Variants in CRLF2 observed in about 807,000 individuals in gnomAD.
The protein encoded by CRLF2 is cytokine receptor like factor 2.
Under a neutral mutation model 38.7 loss-of-function variants are expected in CRLF2, and 41 were observed. The observed-to-expected ratio is 1.06, with a 90% CI of 0.83 to 1.37. The LOEUF (loss-of-function observed/expected upper bound fraction) is 1.37. Ranked by LOEUF, CRLF2 falls within the 40% of genes most tolerant of loss-of-function variation. CRLF2 has a pLI of 0.00. For missense variants in CRLF2, 377 were observed against 322.2 expected (o/e 1.17, Z -1.30); for synonymous variants, 140 against 128.8 (o/e 1.09, Z -0.59).
chrX:1,207,154 C>G (rs1219805174), intron 2 of CRLF2, among the ~76,000 whole-genome samples: 1 of 151,998 alleles, frequency 6.6e-6, no homozygotes, highest in Non-Finnish European at 1.5e-5. Context: ...CCATGTTGAC[C>G]AGGCTGGTCT....
chrX:1,200,725 G>A (rs1217143666), intron 4 of CRLF2, among the ~76,000 whole-genome samples: 1 of 40,892 alleles, frequency 2.4e-5, no homozygotes, highest in Non-Finnish European at 5.6e-5. Context: ...GTATATACGT[G>A]TGTATAAATA....
intron 5 of CRLF2, among the ~76,000 whole-genome samples, chrX:1,198,042 G>C (rs1482163497): frequency 1.3e-5 from 2 of 152,066 alleles, no homozygotes; most frequent in South Asian, 2.1e-4. Flanking sequence ...AAAGCAGCCC[G>C]AGAATGAAAC....
chrX:1,203,120 A>AAGGATCATTATAGATTCAGTTAGTT (rs1359053923), intron 3 of CRLF2, among the ~76,000 whole-genome samples: 1 of 133,650 alleles, frequency 7.5e-6, no homozygotes, highest in Non-Finnish European at 1.6e-5. Flanking sequence ...AAAAAAAAAA[A>AAGGATCATTATAGATTCAGTTAGTT]AGGATCATTA....
Position 1,204,096 on chromosome X carries a change from A to AAAAAAAGAG in CRLF2, c.350-1562_350-1561insCTCTTTTTT, listed in dbSNP as rs370190016. 2.2e-5 allele frequency among the ~76,000 whole-genome samples: 3 copies of AAAAAAAGAG among 133,440 alleles called. 1 individual carries two copies. Among genetic ancestry groups the AAAAAAAGAG allele is most frequent in the Non-Finnish European group, 3.1e-5 (2 of 64,336 alleles). 87.5% of individuals were successfully genotyped at this position (133,440 alleles called of 152,430 possible). ...GAGCAAGACCCTCTCTCTCAAAAAA[A>AAAAAAAGAG]AGAGAGAACATCCAGTGAGTGGGAT... is the stretch of plus-strand genomic sequence containing the variant. On this transcript the variant is annotated intron_variant, in intron 3 of 7. Transcript: ENST00000400841.
intron 7 of CRLF2, 121 bp from the exon 8 acceptor site, chrX:1,191,281 CTTTCT>C (rs1246502730): frequency 1.0e-5 from 4 of 395,738 alleles, no homozygotes; most frequent in Non-Finnish European, 1.8e-5. Flanking sequence ...CTTTCTCTCT[CTTTCT>C]TTTCTTTTCT....
Position 1,206,510 on chromosome X carries a change from C to T in CRLF2, c.272G>A (p.Arg91Gln), listed in dbSNP as rs1398846596. ...GATGGAGAAATAGAGAATGTCGTCT[C>T]GCTGCTCTGCGTCTAGGAGGCACCC... is the stretch of plus-strand genomic sequence containing the variant. ...TSGCLLDAEQ[R>Q]DDILYFSIRN... Residue 91 changes from arginine (R) to glutamine (Q), a missense_variant, in exon 3 of 8, where the codon CGA becomes CAA. Transcript: ENST00000400841. 1 of 1,613,602 alleles carries T rather than the reference C, an allele frequency of 6.2e-7. No homozygotes were observed. The highest frequency in any genetic ancestry group is 8.5e-7 in the Non-Finnish European group (1 of 1,179,620).
intron 6 of CRLF2, 53 bp from the exon 7 acceptor site, chrX:1,193,355 G>C: frequency 2.5e-6 from 1 of 398,526 alleles, no homozygotes; most frequent in South Asian, 1.3e-4. Flanking sequence ...CGCAGGAAGG[G>C]TTGGCAAGAA....
chrX:1,200,492 A>T (rs1166569640), intron 4 of CRLF2, among the ~76,000 whole-genome samples: 5 of 151,542 alleles, frequency 3.3e-5, no homozygotes, highest in Admixed American at 3.3e-4. Flanking sequence ...TAAGCTGTGT[A>T]TATAAGGTGC....
intron 7 of CRLF2, among the ~76,000 whole-genome samples, chrX:1,191,858 A>G (rs2086386584): frequency 6.6e-6 from 1 of 151,924 alleles, no homozygotes; most frequent in East Asian, 1.9e-4. Context: ...AAGCCCTCCA[A>G]CAGACTGACG....
In CRLF2 at chrX:1,206,489, G is replaced by A. The variant is rs1181129976; in HGVS notation, c.293C>T (p.Ser98Phe). ...AACGGGGTGCGTCCCATTCCTGATG[G>A]AGAAATAGAGAATGTCGTCTCGCTG... ...AEQRDDILYF[S>F]IRNGTHPVFT... Residue 98 changes from serine to phenylalanine, a missense_variant, in exon 3 of 8, where the codon TCC becomes TTC. Physicochemically the swap from Ser to Phe is radical, Grantham distance 155 (BLOSUM62 -2). Coordinates refer to ENST00000400841, the MANE Select transcript of CRLF2 (RefSeq NM_022148.4). 6.2e-7 allele frequency: 1 copy of A among 1,613,578 alleles called. No individual in the cohort carries two copies. Among genetic ancestry groups the A allele is most frequent in the East Asian group, 2.2e-5 (1 of 44,886 alleles).
At chrX:1,203,917 A>G (rs1194300869) in intron 3 of CRLF2, among the ~76,000 whole-genome samples, 1 of 152,160 alleles carries the variant, frequency 6.6e-6, no homozygotes, top group Non-Finnish European at 1.5e-5. Context: ...CCTCTAAAAA[A>G]TAAAAAAGTA....
chrX:1,210,117 AAAAGAAAAG>A (rs1569473673), intron 1 of CRLF2, among the ~76,000 whole-genome samples: 11 of 45,932 alleles, frequency 2.4e-4, no homozygotes, highest in African/African-American at 1.4e-3. Flanking sequence ...AAAAAAAAAG[AAAAGAAAAG>A]AAAAGAAAAG....
intron 5 of CRLF2, among the ~76,000 whole-genome samples, chrX:1,197,142 G>C (rs1413829557): frequency 6.9e-6 from 1 of 144,184 alleles, no homozygotes; most frequent in Non-Finnish European, 1.5e-5. Context: ...GCCCAGGCTG[G>C]AGTGCAGTGG....
At chrX:1,204,255 T>G (rs1370079757) in intron 3 of CRLF2, among the ~76,000 whole-genome samples, 1 of 151,784 alleles carries the variant, frequency 6.6e-6, no homozygotes, top group East Asian at 1.9e-4. Flanking sequence ...TGAGATGGAG[T>G]TTCACTCTTG....
chrX:1,198,155 C>CAGGACACCCTCCCTCCCACCTTCCAG (rs757208360), intron 5 of CRLF2, among the ~76,000 whole-genome samples: 7 of 76,834 alleles, frequency 9.1e-5, no homozygotes, highest in Non-Finnish European at 5.8e-5. Context: ...CCTCCCACCT[C>CAGGACACCCTCCCTCCCACCTTCCAG]GAAGGCAGGA....
intron 5 of CRLF2, 55 bp downstream of exon 5, chrX:1,198,507 G>A (rs2086538947): frequency 2.0e-5 from 31 of 1,530,998 alleles, no homozygotes; most frequent in Non-Finnish European, 2.8e-5. Context: ...CAGTGGCTAT[G>A]CCTACTCCAG....
At chrX:1,208,961 TTTTTTTAA>T (rs1482615217) in intron 1 of CRLF2, 53 bp from the exon 2 acceptor site, 1 of 1,021,676 alleles carries the variant, frequency 9.8e-7, no homozygotes, top group East Asian at 2.4e-5. Context: ...TATTTTTTTA[TTTTTTTAA>T]ATTTATTTTT....
rs369791346 is a variant in CRLF2 at position 1,198,802 on chromosome X, T to C, written c.484-78A>G. ...ACACACAATGATTAGTGATGTAACC[T>C]GTCTGTCCAGAGTTTTCCTTCCGGA... is the stretch of plus-strand genomic sequence containing the variant. On this transcript the variant is annotated intron_variant, in intron 4 of 7. Coordinates refer to ENST00000400841, the MANE Select transcript of CRLF2 (RefSeq NM_022148.4). 2,511 of 1,341,740 alleles carry C rather than the reference T, an allele frequency of 1.9e-3. 70 individuals are homozygous for C. The South Asian group carries it at 0.031, about 17-fold the overall frequency. The allele number at this position is 1,341,740 out of a possible 1,614,324, so 83.1% of individuals were successfully genotyped here.
At chrX:1,191,183 TCAAACACAGTGGACACAC>T (rs1188489361) in intron 7 of CRLF2, 23 bp from the exon 8 acceptor site, 2 of 398,524 alleles carry the variant, frequency 5.0e-6, no homozygotes, top group Non-Finnish European at 8.8e-6. Flanking sequence ...ACATTCTAGC[TCAAACACAGTGGACACAC>T]CACACACAGC....
Sources: gnomAD v4.1 joint callset for allele counts (sites outside exome capture counted in the v4.1 genomes callset) on GRCh38, gnomAD v4.1.1 for gene constraint, MANE v1.5 for transcripts, NCBI Gene and HGNC (gene_info 2026-07-23, HGNC 2026-07-21) for gene names.